The following MICAL2 variants were observed in gnomAD, a reference collection of about 807,000 sequenced individuals.
MICAL2 encodes the protein [F-actin]-monooxygenase MICAL2.
In MICAL2, 77 loss-of-function variants were observed where a neutral mutation model predicts 127.3. The ratio of observed to expected loss-of-function variants is 0.60; its 90% CI spans 0.50 to 0.73. MICAL2 has a LOEUF of 0.73. MICAL2 is among the 30% of genes least tolerant of loss of function. The pLI, the probability that MICAL2 is intolerant of heterozygous loss-of-function variation, is 0.00. For synonymous variants in MICAL2, 570 were observed against 551.1 expected, an observed-to-expected ratio of 1.03 and a Z score of -0.48; for missense variants, 1,351 against 1,434.4, an observed-to-expected ratio of 0.94 and a Z score of 0.94.
Position 12,261,912 on chromosome 11 carries a change from T to C in MICAL2, c.3335-568T>C, listed in dbSNP as rs146622149. 1,639 of 986,260 alleles carry C rather than the reference T, an allele frequency of 1.7e-3. 17 individuals are homozygous for C. The African/African-American group carries it at 0.02, about 12-fold the overall frequency. The allele number at this position is 986,260 out of a possible 1,614,324, so 61.1% of individuals were successfully genotyped here. On this transcript the variant is annotated intron_variant, in intron 26 of 27. Transcript: ENST00000683283. The stretch of plus-strand genomic sequence containing the variant: ...TGTTTGAGTATAGAAAGTAAATTTT[T>C]GAGGTCATGATGTGAACGGCCATGT...
downstream of MICAL2, among the ~76,000 whole-genome samples, chr11:12,290,883 A>T (rs1194570176): frequency 6.6e-6 from 1 of 152,102 alleles, no homozygotes; most frequent in African/African-American, 2.4e-5. Flanking sequence ...AGGGGACTCA[A>T]TGGGACTCTT....
upstream of MICAL2, among the ~76,000 whole-genome samples, chr11:12,271,906 G>A (rs1340703402): frequency 1.3e-5 from 2 of 152,172 alleles, no homozygotes; most frequent in Admixed American, 6.5e-5. Context: ...AGGGGGCCCA[G>A]AGGAAGTACC....
At chr11:12,306,907 C>G (rs1864117358) in intron 29 of MICAL2, among the ~76,000 whole-genome samples, 1 of 152,184 alleles carries the variant, frequency 6.6e-6, no homozygotes, top group African/African-American at 2.4e-5. Flanking sequence ...GCGAATAAAG[C>G]TTCTATGAAC....
chr11:12,261,084 C>T (rs1863053324), intron 26 of MICAL2: 2 of 985,518 alleles, frequency 2.0e-6, no homozygotes, highest in South Asian at 9.4e-5. Context: ...CCATATTGGT[C>T]AGGCCAAGTG....
chr11:12,216,191 C>T, intron 7 of MICAL2, 28 bp from the exon 8 acceptor site: 1 of 1,544,636 alleles, frequency 6.5e-7, no homozygotes, highest in Non-Finnish European at 9.0e-7. Flanking sequence ...GGAAGTAACA[C>T]TGAGCTTGTG....
chr11:12,210,351 C>T (rs1333703435), intron 6 of MICAL2, among the ~76,000 whole-genome samples: 5 of 152,120 alleles, frequency 3.3e-5, no homozygotes, highest in Non-Finnish European at 5.9e-5. Context: ...ACAACATGGC[C>T]CCAAATAGGG....
At chr11:12,114,642 G>A (rs1849855944) in intron 1 of MICAL2, among the ~76,000 whole-genome samples, 1 of 152,188 alleles carries the variant, frequency 6.6e-6, no homozygotes, top group Non-Finnish European at 1.5e-5. Flanking sequence ...CATTTGTCCA[G>A]TTGTATCATA....
At chr11:12,168,224 TACAC>T (rs903285522) in intron 3 of MICAL2, among the ~76,000 whole-genome samples, 9 of 148,052 alleles carry the variant, frequency 6.1e-5, no homozygotes, top group Non-Finnish European at 1.2e-4. Flanking sequence ...TATACACACA[TACAC>T]ACACCACACA....
chr11:12,287,898 T>TC (rs1271351853), downstream of MICAL2, among the ~76,000 whole-genome samples: 1 of 151,114 alleles, frequency 6.6e-6, no homozygotes, highest in Admixed American at 6.6e-5. Flanking sequence ...GCCTTCCACC[T>TC]CCCCCCACAC....
At chr11:12,178,709 G>T (rs1418623730) in intron 3 of MICAL2, among the ~76,000 whole-genome samples, 4 of 146,656 alleles carry the variant, frequency 2.7e-5, no homozygotes, top group Non-Finnish European at 4.5e-5. Context: ...TCATCAGACG[G>T]TATTATTATT....
rs781407203 is a variant in MICAL2, at chr11:12,259,792, C to T, written c.3232-3C>T. The T allele has an allele frequency of 5.2e-6, 8 of 1,534,028 alleles. No individual in the cohort carries two copies. In the East Asian group the frequency reaches 1.8e-4, roughly 35 times the overall value. On this transcript the variant is annotated splice_region_variant and splice_polypyrimidine_tract_variant and intron_variant, in intron 25 of 27. Coordinates refer to ENST00000683283, the MANE Select transcript of MICAL2 (RefSeq NM_001282663.2). ...AATGCCCTCATTTCCATCTCTTTCT[C>T]AGGAGGAGGCAACATGGCAAGAGCA... is the stretch of plus-strand genomic sequence containing the variant.
intron 32 of MICAL2, among the ~76,000 whole-genome samples, chr11:12,330,900 AGTGTGTGT>A (rs200754218): frequency 2.8e-4 from 34 of 119,448 alleles, no homozygotes; most frequent in African/African-American, 9.1e-4. Context: ...AGAGAGAGAG[AGTGTGTGT>A]GTGTGTGTGT....
intron 15 of MICAL2, among the ~76,000 whole-genome samples, chr11:12,230,720 C>CA (rs909558360): frequency 2.0e-5 from 3 of 151,894 alleles, no homozygotes; most frequent in Admixed American, 6.6e-5. Flanking sequence ...TCTTTCCCCC[C>CA]CCATCTTATT....
intron 29 of MICAL2, among the ~76,000 whole-genome samples, chr11:12,299,575 G>A (rs1232701020): frequency 6.6e-6 from 1 of 152,108 alleles, no homozygotes; most frequent in African/African-American, 2.4e-5. Flanking sequence ...ACTTGTCAGT[G>A]GTCATCTTAT....
chr11:12,118,576 G>A (rs1850238105), intron 1 of MICAL2, among the ~76,000 whole-genome samples: 1 of 152,182 alleles, frequency 6.6e-6, no homozygotes, highest in Non-Finnish European at 1.5e-5. Context: ...CTCTCCTTTA[G>A]GAGTCCCCTT....
At chr11:12,261,940 T>C (rs896045826) in intron 26 of MICAL2, 1 of 987,754 alleles carries the variant, frequency 1.0e-6, no homozygotes, top group East Asian at 1.1e-4. Flanking sequence ...GGCCATGTTA[T>C]TGTGATTATC....
intron 15 of MICAL2, among the ~76,000 whole-genome samples, chr11:12,234,865 G>C (rs1482972810): frequency 6.6e-6 from 1 of 152,206 alleles, no homozygotes; most frequent in Non-Finnish European, 1.5e-5. Context: ...GATCGGGTAG[G>C]TTAGGATTTA....
chr11:12,221,748 G>A lies in MICAL2; in HGVS notation c.1311G>A (p.Leu437=), dbSNP rs779438266. ...SWNQGTPPLE[L]LAERESLYRL... is the part of the protein sequence containing the mutation. ...ACCAGGGCACCCCTCCCCTGGAGCT[G>A]CTGGCTGAAAGGTGAGCTTTGACAG... The change falls in exon 10 of 28, where the codon CTG becomes CTA. Residue 437 remains leucine, a synonymous_variant. Transcript: ENST00000683283. The A allele has an allele frequency of 1.1e-5, 18 of 1,613,126 alleles. No individual in the cohort carries two copies. Among genetic ancestry groups the A allele is most frequent in the Non-Finnish European group, 1.4e-5 (17 of 1,179,580 alleles).
At chr11:12,209,451 T>C in intron 5 of MICAL2, 46 bp from the exon 6 acceptor site, 1 of 1,477,506 alleles carries the variant, frequency 6.8e-7, no homozygotes, top group Non-Finnish European at 9.5e-7. Flanking sequence ...AATCATTCTC[T>C]TCCCACCTCT....
Sources: allele counts gnomAD v4.1 joint callset (sites outside exome capture counted in the v4.1 genomes callset), GRCh38; gene constraint gnomAD v4.1.1; transcripts MANE v1.5; gene names NCBI Gene and HGNC (gene_info 2026-07-23, HGNC 2026-07-21).